The following GP2 variants were observed in gnomAD, a reference collection of about 807,000 sequenced individuals.
GP2 encodes pancreatic secretory granule membrane major glycoprotein GP2.
Under a neutral mutation model 60.8 loss-of-function variants are expected in GP2, and 58 were observed. That is an observed-to-expected ratio of 0.95 (90% CI 0.77 to 1.19). The LOEUF is 1.19. Ranked by LOEUF, GP2 falls within the 50% of genes most tolerant of loss-of-function variation. The probability of loss-of-function intolerance (pLI) is 0.00; values close to 1 mark genes in which losing one functional copy is unlikely to be tolerated. For missense variants in GP2, 647 were observed against 667.4 expected, an observed-to-expected ratio of 0.97 and a Z score of 0.34; for synonymous variants, 280 against 253.4, an observed-to-expected ratio of 1.10 and a Z score of -1.00.
intron 9 of GP2, among the ~76,000 whole-genome samples, chr16:20,315,062 A>T (rs1200639849): frequency 6.6e-6 from 1 of 152,144 alleles, no homozygotes; most frequent in East Asian, 1.9e-4. Context: ...CCTAACCTCC[A>T]CCAAGTTACC....
At chr16:20,326,308 T>C in intron 2 of GP2, 30 bp downstream of exon 2, 1 of 1,608,572 alleles carries the variant, frequency 6.2e-7, no homozygotes, top group South Asian at 1.1e-5. Context: ...TTCCTTGACA[T>C]CTGAGATGCC....
At position 20,323,825 on chromosome 16, in the gene GP2, A is replaced by G; in HGVS notation, c.526T>C (p.Tyr176His). The change falls in exon 3 of 11, where the codon TAC (tyrosine) becomes CAC (histidine). Residue 176 changes from tyrosine (Y) to histidine (H), a missense_variant. Coordinates refer to ENST00000302555, the MANE Select transcript of GP2 (RefSeq NM_001502.4). ...LEGTPWCNLR[Y>H]CTDPSTVEDK... ...GGGCTCTGCTGCTCACCTGTGCAGT[A>G]TCTCAGATTACACCAGGGAGTGCCT... is the stretch of plus-strand genomic sequence containing the variant. The G allele has an allele frequency of 6.2e-7, 1 of 1,608,730 alleles. No individual in the cohort carries two copies. The highest frequency in any genetic ancestry group is 1.7e-4 in the Middle Eastern group (1 of 6,030).
At chr16:20,326,241 A>G in intron 2 of GP2, 97 bp downstream of exon 2, 6 of 1,090,476 alleles carry the variant, frequency 5.5e-6, no homozygotes, top group Non-Finnish European at 5.5e-6. Flanking sequence ...AGAACTGCCA[A>G]TTCCTCTTCC....
Position 20,310,876 on chromosome 16 carries a change from C to T in GP2, c.*347G>A. The T allele has an allele frequency of 5.1e-6, 1 of 197,504 alleles. No individual in the cohort carries two copies. Among genetic ancestry groups the T allele is most frequent in the Non-Finnish European group, 1.0e-5 (1 of 95,530 alleles). 12.2% of individuals were successfully genotyped at this position (197,504 alleles called of 1,614,324 possible). A position where few individuals can be genotyped will look rare whatever the true frequency, so the allele number is the denominator to read the frequency against. ...AGTTCGAGCAATTCTCCTGCCTTGGCCTCCCGAGTAGCTGGGATTACAGGC... is the reference window on the plus strand; with the variant it reads ...AGTTCGAGCAATTCTCCTGCCTTGGTCTCCCGAGTAGCTGGGATTACAGGC... On this transcript the variant is annotated 3_prime_UTR_variant, in exon 11 of 11. Transcript: ENST00000302555.
At chr16:20,323,231 G>A in intron 3 of GP2, 2 of 643,388 alleles carry the variant, frequency 3.1e-6, no homozygotes, top group East Asian at 5.5e-5. Context: ...CAATCAAAAT[G>A]AGAAAGGACA....
At chr16:20,318,006 C>T (rs1253260599) in intron 7 of GP2, among the ~76,000 whole-genome samples, 179 bp downstream of exon 7, 1 of 152,148 alleles carries the variant, frequency 6.6e-6, no homozygotes, top group Non-Finnish European at 1.5e-5. Flanking sequence ...CATTTATTTA[C>T]CCTGCCCACC....
chr16:20,322,102 C>T (rs994174944), intron 4 of GP2, among the ~76,000 whole-genome samples: 1 of 152,232 alleles, frequency 6.6e-6, no homozygotes, highest in African/African-American at 2.4e-5. Context: ...GCCCTGTTCA[C>T]ACTGTGGCTC....
chr16:20,320,512 G>C (rs1964325761), intron 4 of GP2, 39 bp from the exon 5 acceptor site: 2 of 1,375,596 alleles, frequency 1.5e-6, no homozygotes, highest in Non-Finnish European at 2.1e-6. Flanking sequence ...ATGGACATGA[G>C]TCTGGAAGCC....
chr16:20,324,236 CTTCAATGGGGT>C lies in GP2; in HGVS notation c.104_114del (p.Asn35SerfsTer23). ...TCCAGGTCCAGCCCATACGAACTGG[CTTCAATGGGGT>C]TTCCATAACCTGGGAAAGTGACAGA... On this transcript the variant is annotated frameshift_variant, in exon 3 of 11. Transcript: ENST00000302555. LOFTEE classifies it high-confidence loss of function. 6.2e-7 allele frequency: 1 copy of C among 1,600,698 alleles called. No individual in the cohort carries two copies. Among genetic ancestry groups the C allele is most frequent in the Non-Finnish European group, 8.5e-7 (1 of 1,169,952 alleles).
intron 4 of GP2, among the ~76,000 whole-genome samples, chr16:20,322,455 C>T (rs896472136): frequency 6.6e-6 from 1 of 152,190 alleles, no homozygotes; most frequent in African/African-American, 2.4e-5. Flanking sequence ...ATTATTATTA[C>T]CTTATCCTCA....
At chr16:20,317,459 T>C (rs1363949229) in intron 7 of GP2, 84 bp from the exon 8 acceptor site, 1 of 1,032,426 alleles carries the variant, frequency 9.7e-7, no homozygotes, top group Non-Finnish European at 1.5e-6. Flanking sequence ...CCCTCCATCA[T>C]GATAACGTGG....
intron 10 of GP2, among the ~76,000 whole-genome samples, chr16:20,314,266 G>C (rs1303701255): frequency 6.8e-6 from 1 of 147,070 alleles, no homozygotes; most frequent in African/African-American, 2.5e-5. Context: ...AAAAGTTCTT[G>C]AGTTTGAAAA....
chr16:20,323,669 T>C, intron 3 of GP2, 147 bp downstream of exon 3: 1 of 622,480 alleles, frequency 1.6e-6, no homozygotes. Context: ...TCTCAACCCC[T>C]GTGTTGAGTT....
rs763877415 is a variant in GP2 at position 20,326,308 on chromosome 16, T to A, written c.94+30A>T. 16 of 1,608,572 alleles carry A rather than the reference T, an allele frequency of 9.9e-6. No homozygotes were observed. In the South Asian group the frequency reaches 1.6e-4, roughly 17 times the overall value. ...CTCACTTGCTAGGTCTTCCTTGACATCTGAGATGCCAGGTGAGCAGAATAC... is the reference window on the plus strand; with the variant it reads ...CTCACTTGCTAGGTCTTCCTTGACAACTGAGATGCCAGGTGAGCAGAATAC... On this transcript the variant is annotated intron_variant, in intron 2 of 10. Transcript: ENST00000302555.
intron 9 of GP2, 88 bp from the exon 10 acceptor site, chr16:20,314,789 G>T: frequency 1.1e-6 from 1 of 945,816 alleles, no homozygotes; most frequent in South Asian, 1.3e-5. Context: ...CATCCTCCTA[G>T]ACCTGGCCAT....
intron 9 of GP2, among the ~76,000 whole-genome samples, chr16:20,315,298 T>C (rs761552868): frequency 1.3e-5 from 2 of 152,162 alleles, no homozygotes; most frequent in Non-Finnish European, 2.9e-5. Context: ...CATTACTGCA[T>C]CTTAATTCCT....
chr16:20,315,589 C>T (rs149233634), intron 9 of GP2, among the ~76,000 whole-genome samples: 1 of 152,150 alleles, frequency 6.6e-6, no homozygotes, highest in Non-Finnish European at 1.5e-5. Context: ...AAGGAAAAGG[C>T]CACATGTTTT....
In GP2 at chr16:20,323,031, T is replaced by G. The variant is rs764079325; in HGVS notation, c.536-52A>C. On this transcript the variant is annotated intron_variant, in intron 3 of 10. Coordinates refer to ENST00000302555, the MANE Select transcript of GP2 (RefSeq NM_001502.4). ...GATCAGGATGCAGTGCGGGCTGGAC[T>G]TGAGGCCCCCAAGTCCAACCCTTTC... The G allele has an allele frequency of 1.5e-5, 15 of 1,012,302 alleles. No homozygotes were observed. The East Asian group carries it at 3.6e-4, about 24-fold the overall frequency. The allele number at this position is 1,012,302 out of a possible 1,614,324, so 62.7% of individuals were successfully genotyped here. A position where few individuals can be genotyped will look rare whatever the true frequency, so the allele number is the denominator to read the frequency against.
At chr16:20,314,978 G>A (rs565046856) in intron 9 of GP2, among the ~76,000 whole-genome samples, 2 of 152,310 alleles carry the variant, frequency 1.3e-5, no homozygotes, top group South Asian at 4.1e-4. Context: ...TAAGGGACTT[G>A]CCAAGTTGAC....
Sources: gnomAD v4.1 joint callset for allele counts (sites outside exome capture counted in the v4.1 genomes callset) on GRCh38, gnomAD v4.1.1 for gene constraint, MANE v1.5 for transcripts, NCBI Gene and HGNC (gene_info 2026-07-23, HGNC 2026-07-21) for gene names.